Variants in SCHIP1 observed in about 807,000 individuals in gnomAD.
The protein encoded by SCHIP1 is schwannomin-interacting protein 1.
Under a neutral mutation model 29.7 loss-of-function variants are expected in SCHIP1, and 8 were observed. The observed-to-expected ratio is 0.27, with a 90% CI of 0.16 to 0.49. The LOEUF (loss-of-function observed/expected upper bound fraction) is 0.49, where lower values mean the gene tolerates loss of function less well. Among genes scored for constraint, SCHIP1 ranks in the 20% least tolerant of loss-of-function variants. The pLI is 0.99. For synonymous variants in SCHIP1, 76 were observed against 94.9 expected (o/e 0.80, Z 1.16); for missense variants, 193 against 294.6 (o/e 0.66, Z 2.52).
chr3:159,680,114 C>A, the SCHIP1 span, among the ~76,000 whole-genome samples: 1 of 151,868 alleles, frequency 6.6e-6, no homozygotes, highest in Admixed American at 6.6e-5. Flanking sequence ...TAGGATATAA[C>A]CTCTGTGAGG....
At chr3:159,274,418 T>C in the SCHIP1 span, 4 of 927,310 alleles carry the variant, frequency 4.3e-6, no homozygotes, top group Admixed American at 6.2e-5. Context: ...GTATGAAATG[T>C]ATAGAGTGGC....
At chr3:159,539,379 AG>A in the SCHIP1 span, among the ~76,000 whole-genome samples, 2 of 137,200 alleles carry the variant, frequency 1.5e-5, 1 homozygote, top group Admixed American at 1.5e-4. Context: ...AAAAAAGAAG[AG>A]AAAACAATAT....
chr3:159,469,224 T>G, the SCHIP1 span, among the ~76,000 whole-genome samples: 1 of 152,156 alleles, frequency 6.6e-6, no homozygotes, highest in Non-Finnish European at 1.5e-5. Flanking sequence ...AAGTATTACC[T>G]ACATAAAACA....
chr3:159,653,128 ACAC>A, the SCHIP1 span, among the ~76,000 whole-genome samples: 1 of 152,204 alleles, frequency 6.6e-6, no homozygotes, highest in South Asian at 2.1e-4. Flanking sequence ...GAACACTTTT[ACAC>A]TGTTGGTGGG....
chr3:159,445,670 A>C, the SCHIP1 span, among the ~76,000 whole-genome samples: 3 of 152,212 alleles, frequency 2.0e-5, no homozygotes, highest in Non-Finnish European at 4.4e-5. Flanking sequence ...AATGTGGCAC[A>C]TATATACCAT....
the SCHIP1 span, among the ~76,000 whole-genome samples, chr3:159,705,252 C>T: frequency 3.9e-5 from 6 of 152,144 alleles, no homozygotes; most frequent in South Asian, 2.1e-4. Flanking sequence ...GCGTGAACCA[C>T]GGTGCCCGGA....
At chr3:159,503,541 G>A in the SCHIP1 span, among the ~76,000 whole-genome samples, 5 of 152,190 alleles carry the variant, frequency 3.3e-5, no homozygotes, top group African/African-American at 1.2e-4. Flanking sequence ...TAAAAGCCAT[G>A]AGGGGATCTC....
the SCHIP1 span, among the ~76,000 whole-genome samples, chr3:159,807,898 T>A: frequency 6.6e-6 from 1 of 152,194 alleles, no homozygotes; most frequent in African/African-American, 2.4e-5. Context: ...AGGAGGAAAT[T>A]GAGGCCTAGC....
At chr3:159,415,331 G>A in the SCHIP1 span, among the ~76,000 whole-genome samples, 1 of 152,140 alleles carries the variant, frequency 6.6e-6, no homozygotes, top group African/African-American at 2.4e-5. Context: ...GGGGGTACAT[G>A]AGAAGGTTCG....
At chr3:159,577,760 TA>T in the SCHIP1 span, among the ~76,000 whole-genome samples, 72 of 152,298 alleles carry the variant, frequency 4.7e-4, no homozygotes, top group Non-Finnish European at 8.4e-4. Flanking sequence ...TGCAGGTGAT[TA>T]TAGCAGTCAC....
At chr3:159,736,798 G>T in the SCHIP1 span, among the ~76,000 whole-genome samples, 2,596 of 151,264 alleles carry the variant, frequency 0.017, 77 homozygotes, top group African/African-American at 0.06. Flanking sequence ...GCAGTGGCGC[G>T]ATCTCAGCTC....
chr3:159,565,145 TG>T, the SCHIP1 span, among the ~76,000 whole-genome samples: 1 of 152,310 alleles, frequency 6.6e-6, no homozygotes, highest in South Asian at 2.1e-4. Flanking sequence ...TGGACAGCCA[TG>T]TCACACCTGA....
the SCHIP1 span, among the ~76,000 whole-genome samples, chr3:159,622,901 G>C: frequency 6.6e-6 from 1 of 152,144 alleles, no homozygotes; most frequent in African/African-American, 2.4e-5. Flanking sequence ...CTGGGAGACA[G>C]AGTAAGACTC....
At chr3:159,300,701 GCAGTGTGGAGC>G in the SCHIP1 span, among the ~76,000 whole-genome samples, 49 of 152,298 alleles carry the variant, frequency 3.2e-4, 1 homozygote, top group African/African-American at 1.2e-3. Context: ...TTTGAAAGAG[GCAGTGTGGAGC>G]CACTTTATCT....
the SCHIP1 span, among the ~76,000 whole-genome samples, chr3:159,571,321 TGA>T: frequency 2.6e-5 from 4 of 152,216 alleles, no homozygotes; most frequent in Admixed American, 2.6e-4. Flanking sequence ...CCTAGTTTAT[TGA>T]GAGTTTTTAG....
chr3:159,830,998 GA>G, the SCHIP1 span, among the ~76,000 whole-genome samples: 1 of 152,214 alleles, frequency 6.6e-6, no homozygotes, highest in Non-Finnish European at 1.5e-5. Context: ...TGAGGTTTGA[GA>G]AAGGATTCCT....
chr3:159,373,160 T>C, the SCHIP1 span, among the ~76,000 whole-genome samples: 2 of 152,054 alleles, frequency 1.3e-5, no homozygotes, highest in East Asian at 3.9e-4. Flanking sequence ...TGCAAATATT[T>C]GAATTTGCAT....
chr3:159,634,320 G>A, the SCHIP1 span, among the ~76,000 whole-genome samples: 4 of 152,146 alleles, frequency 2.6e-5, no homozygotes, highest in South Asian at 4.2e-4. Flanking sequence ...GTTTCATACC[G>A]TAAAAATAAG....
chr3:159,547,407 T>G, the SCHIP1 span, among the ~76,000 whole-genome samples: 1 of 152,224 alleles, frequency 6.6e-6, no homozygotes, highest in Admixed American at 6.5e-5. Context: ...GTGCAGAAGC[T>G]CTTTAGTTTA....
Sources: gnomAD v4.1 joint callset for allele counts (sites outside exome capture counted in the v4.1 genomes callset) on GRCh38, gnomAD v4.1.1 for gene constraint, MANE v1.5 for transcripts, NCBI Gene and HGNC (gene_info 2026-07-23, HGNC 2026-07-21) for gene names.